Variants in TIAM2 observed in about 807,000 individuals in gnomAD.
The protein encoded by TIAM2 is TIAM Rac1 associated GEF 2, also known as rho guanine nucleotide exchange factor TIAM2.
In TIAM2, 80 loss-of-function variants were observed where a neutral mutation model predicts 152.9. The observed-to-expected ratio is 0.52, with a 90% CI of 0.44 to 0.63. The LOEUF is 0.63. Ranked by LOEUF, TIAM2 falls within the 30% of genes least tolerant of loss-of-function variation. TIAM2 has a pLI of 0.00. For synonymous variants in TIAM2, 804 were observed against 838.0 expected (o/e 0.96, Z 0.70); for missense variants, 1,965 against 2,120.1 (o/e 0.93, Z 1.44).
rs187005558 is a variant in TIAM2, at chr6:155,218,701, C to T, written c.3168+7394C>T. ...TTTTCCCTGTTGCTCACCTAATGGC[C>T]TCTTGAGCTGAGATTCGATGTCAGG... On this transcript the variant is annotated intron_variant, in intron 15 of 26. Coordinates refer to ENST00000682666, the MANE Select transcript of TIAM2 (RefSeq NM_012454.4). This position sits in a 1 kb window ranked among gnomAD's most constrained non-coding sequence, Gnocchi z 4.5. 6.6e-6 allele frequency among the ~76,000 whole-genome samples: 1 copy of T among 152,328 alleles called. No homozygotes were observed. Among genetic ancestry groups the T allele is most frequent in the Non-Finnish European group, 1.5e-5 (1 of 68,036 alleles).
At chr6:155,187,573 C>CCTTTTTTTTTTTTTTTTTTTTTTT (rs1189509294) in intron 14 of TIAM2, among the ~76,000 whole-genome samples, 20 of 49,622 alleles carry the variant, frequency 4.0e-4, no homozygotes, top group Admixed American at 5.6e-4. Flanking sequence ...ACCCCGCCCC[C>CCTTTTTTTTTTTTTTTTTTTTTTT]TTTTTTTTTT....
At chr6:155,244,114 C>G in intron 17 of TIAM2, 35 bp downstream of exon 17, 2 of 1,584,076 alleles carry the variant, frequency 1.3e-6, no homozygotes, top group Non-Finnish European at 1.7e-6. Context: ...TCCAGTGATC[C>G]ACAGGTTAGT....
At chr6:155,252,398 G>A (rs527324883) in intron 23 of TIAM2, among the ~76,000 whole-genome samples, 1 of 152,316 alleles carries the variant, frequency 6.6e-6, no homozygotes, top group South Asian at 2.1e-4. Flanking sequence ...GAGCCCAGGA[G>A]GTGGAAGCTG....
At chr6:155,076,731 A>G (rs915030223) in intron 1 of TIAM2, among the ~76,000 whole-genome samples, 2 of 152,092 alleles carry the variant, frequency 1.3e-5, no homozygotes, top group African/African-American at 2.4e-5. Flanking sequence ...TCTGATGCCT[A>G]GGCTGACAGT....
chr6:155,059,294 CTGTG>C (rs56013145), intron 1 of TIAM2, among the ~76,000 whole-genome samples: 79 of 117,286 alleles, frequency 6.7e-4, no homozygotes, highest in East Asian at 2.1e-3. Context: ...GTGTGTGTGT[CTGTG>C]TGTGTGTGTG....
At chr6:155,248,310 G>A (rs1783454275) in intron 20 of TIAM2, 131 bp downstream of exon 20, 4 of 1,062,164 alleles carry the variant, frequency 3.8e-6, no homozygotes, top group East Asian at 2.6e-5. Context: ...TCAGTTCTGC[G>A]ATGGTTAATC....
Position 155,179,077 on chromosome 6 carries a change from T to A in TIAM2, c.2562T>A (p.Leu854=). The change falls in exon 11 of 27, where the codon CTT becomes CTA. Residue 854 remains leucine, a synonymous_variant. Coordinates refer to ENST00000682666, the MANE Select transcript of TIAM2 (RefSeq NM_012454.4). ...QLEPSHYGLQ[L]RKLVDDNVEY... ...AACCCAGCCATTATGGCCTACAGCT[T>A]CGAAAATTAGTAGATGACAATGTTG... The A allele has an allele frequency of 6.2e-7, 1 of 1,614,136 alleles. No individual in the cohort carries two copies. The highest frequency in any genetic ancestry group is 1.1e-5 in the South Asian group (1 of 91,064).
intron 7 of TIAM2, among the ~76,000 whole-genome samples, chr6:155,149,921 A>G (rs1292212768): frequency 2.6e-5 from 3 of 113,466 alleles, no homozygotes; most frequent in Non-Finnish European, 6.0e-5. Context: ...ACTCTGTATA[A>G]AAAAAAAAAA....
At chr6:155,033,720 C>CTTT (rs369856686) in intron 1 of TIAM2, among the ~76,000 whole-genome samples, 10 of 148,110 alleles carry the variant, frequency 6.8e-5, no homozygotes, top group African/African-American at 2.2e-4. Flanking sequence ...TTCTTTCTTT[C>CTTT]TTTTTTTGTT....
chr6:155,128,244 C>G (rs1470784375), intron 3 of TIAM2, among the ~76,000 whole-genome samples: 1 of 152,122 alleles, frequency 6.6e-6, no homozygotes, highest in Non-Finnish European at 1.5e-5. Context: ...TACAAAAGCT[C>G]TAGAGATTAG....
At chr6:155,166,798 T>C (rs984052428) in intron 9 of TIAM2, among the ~76,000 whole-genome samples, 2 of 152,246 alleles carry the variant, frequency 1.3e-5, no homozygotes, top group African/African-American at 4.8e-5. Context: ...TGTTTTAGGA[T>C]TATTCTGTTT....
chr6:155,249,014 T>C (rs1193090755), intron 20 of TIAM2, among the ~76,000 whole-genome samples: 2 of 152,206 alleles, frequency 1.3e-5, no homozygotes, highest in Non-Finnish European at 2.9e-5. Context: ...TTAACTTCTA[T>C]AAGTAAATAA....
intron 1 of TIAM2, among the ~76,000 whole-genome samples, chr6:155,012,095 G>T (rs1778499703): frequency 6.6e-6 from 1 of 152,128 alleles, no homozygotes; most frequent in South Asian, 2.1e-4. Flanking sequence ...AAGAAAAAAA[G>T]GAGTAGTTAA....
At chr6:155,098,405 A>T (rs903685544) in intron 2 of TIAM2, among the ~76,000 whole-genome samples, 7 of 152,072 alleles carry the variant, frequency 4.6e-5, no homozygotes, top group Non-Finnish European at 8.8e-5. Context: ...CTTTGGTTAA[A>T]TTGCTTCCTA....
intron 12 of TIAM2, among the ~76,000 whole-genome samples, chr6:155,181,264 G>A (rs943913820): frequency 6.6e-6 from 1 of 152,192 alleles, no homozygotes; most frequent in African/African-American, 2.4e-5. Context: ...ATTCAGAAGA[G>A]GGAAGGTCTG....
chr6:155,152,342 C>A lies in TIAM2; in HGVS notation c.2028+4008C>A, dbSNP rs532660940. 5.3e-5 allele frequency among the ~76,000 whole-genome samples: 8 copies of A among 152,196 alleles called. No individual in the cohort carries two copies. The South Asian group carries it at 6.2e-4, about 12-fold the overall frequency. On this transcript the variant is annotated intron_variant, in intron 7 of 26. Coordinates refer to ENST00000682666, the MANE Select transcript of TIAM2 (RefSeq NM_012454.4). The stretch of plus-strand genomic sequence containing the variant: ...GACATTGCTGAGGGAGAGCTGCCCC[C>A]ACGAGCCCAGCTTGCCTCCTCTCAG...
Position 155,240,610 on chromosome 6 carries a change from G to A in TIAM2, c.3249G>A (p.Gln1083=), listed in dbSNP as rs775446773. The A allele has an allele frequency of 1.4e-5, 22 of 1,614,064 alleles. No individual in the cohort carries two copies. The highest frequency in any genetic ancestry group is 1.9e-5 in the Non-Finnish European group (22 of 1,180,052). The change falls in exon 16 of 27, where the codon CAG becomes CAA. Residue 1083 remains glutamine, a synonymous_variant. Coordinates refer to ENST00000682666, the MANE Select transcript of TIAM2 (RefSeq NM_012454.4). Reference sequence around the variant, plus strand: ...GCATGGAAGGACCGCGGGAGAATCAGGATCCTCCTCCGAGGTCTCTGGCCC... The same window carrying A: ...GCATGGAAGGACCGCGGGAGAATCAAGATCCTCCTCCGAGGTCTCTGGCCC... ...ANGMEGPREN[Q]DPPPRSLARH...
intron 14 of TIAM2, among the ~76,000 whole-genome samples, chr6:155,193,475 C>T (rs1312359638): frequency 2.0e-5 from 3 of 152,128 alleles, no homozygotes; most frequent in Non-Finnish European, 4.4e-5. Context: ...ACAAATTTTC[C>T]AAAATTCTGA....
At chr6:155,122,143 C>T (rs1179471416) in intron 2 of TIAM2, 2 of 152,332 alleles carry the variant, frequency 1.3e-5, no homozygotes, top group Admixed American at 6.5e-5. Flanking sequence ...CAGTAGATGA[C>T]AGTGGCTGTT....
Sources: gnomAD v4.1 joint callset for allele counts (sites outside exome capture counted in the v4.1 genomes callset) on GRCh38, gnomAD v4.1.1 for gene constraint, Gnocchi (gnomAD v3.1) non-coding constraint, MANE v1.5 for transcripts, NCBI Gene and HGNC (gene_info 2026-07-23, HGNC 2026-07-21) for gene names.